The following LRP1B variants were observed in gnomAD, a reference collection of about 807,000 sequenced individuals.
LRP1B encodes LDL receptor related protein 1B, also known as low-density lipoprotein receptor-related protein 1B.
LRP1B carries 217 observed loss-of-function variants against 556.6 expected under a neutral mutation model. That is an observed-to-expected ratio of 0.39 (90% confidence interval 0.35 to 0.44). LRP1B has a LOEUF of 0.44. Among genes scored for constraint, LRP1B ranks in the 20% least tolerant of loss-of-function variants. The pLI is 1.00. For missense variants in LRP1B, 5,053 were observed against 5,620.8 expected (o/e 0.90, Z 3.23); for synonymous variants, 2,047 against 1,865.8 (o/e 1.10, Z -2.50).
chr2:141,471,638 G>A lies in LRP1B; in HGVS notation c.343+8758C>T, dbSNP rs138192962. On this transcript the variant is annotated intron_variant, in intron 3 of 90. Transcript: ENST00000389484. ...TCTCATGTAGAATTAGATGTTTCTC[G>A]TCTTATTCTTCCTCTTTAATTTTTA... Among the ~76,000 whole-genome samples the A allele has an allele frequency of 1.6e-3, 245 of 152,146 alleles. 3 individuals carry two copies. Among genetic ancestry groups the A allele is most frequent in the African/African-American group, 5.6e-3 (233 of 41,494 alleles).
chr2:141,819,604 G>A (rs1225398859), intron 1 of LRP1B, among the ~76,000 whole-genome samples: 1 of 152,118 alleles, frequency 6.6e-6, no homozygotes, highest in African/African-American at 2.4e-5. Flanking sequence ...AAGGATAGTG[G>A]GACAGGAGGG....
chr2:140,511,319 T>G (rs1051032817), intron 51 of LRP1B, among the ~76,000 whole-genome samples: 36 of 145,790 alleles, frequency 2.5e-4, no homozygotes, highest in African/African-American at 8.2e-4. Flanking sequence ...TTTTTTTTTT[T>G]GAGACGGAGT....
intron 24 of LRP1B, among the ~76,000 whole-genome samples, chr2:140,885,799 T>TAA (rs3063639): frequency 1.4e-5 from 2 of 144,724 alleles, no homozygotes; most frequent in South Asian, 4.3e-4. Flanking sequence ...GTAGCAAAAT[T>TAA]AAAAAAAAAA....
At chr2:140,728,697 C>T (rs185008967) in intron 35 of LRP1B, among the ~76,000 whole-genome samples, 2 of 152,166 alleles carry the variant, frequency 1.3e-5, no homozygotes, top group East Asian at 3.9e-4. Flanking sequence ...CCATCATCAT[C>T]CCTGGTGAAA....
At chr2:141,690,396 A>AATAAATATATATCTATATATATAT (rs5834858) in intron 2 of LRP1B, among the ~76,000 whole-genome samples, 2 of 26,936 alleles carry the variant, frequency 7.4e-5, no homozygotes, top group Non-Finnish European at 1.5e-4. Context: ...TACATCTATA[A>AATAAATATATATCTATATATATAT]ATATATATAT....
At chr2:140,364,324 C>T (rs1240550681) in intron 72 of LRP1B, among the ~76,000 whole-genome samples, 1 of 151,372 alleles carries the variant, frequency 6.6e-6, no homozygotes, top group African/African-American at 2.4e-5. Flanking sequence ...CCAAAATTAA[C>T]CTAAACTCCA....
chr2:140,717,440 G>C (rs16844598), intron 35 of LRP1B, among the ~76,000 whole-genome samples: 3,157 of 152,102 alleles, frequency 0.021, 112 homozygotes, highest in African/African-American at 0.073. Context: ...AACTCTCATT[G>C]TCCAAATGGG....
At chr2:141,906,944 C>CAG (rs1381996836) in intron 1 of LRP1B, among the ~76,000 whole-genome samples, 1 of 152,092 alleles carries the variant, frequency 6.6e-6, no homozygotes, top group East Asian at 1.9e-4. Context: ...CCCATTTTGG[C>CAG]AGAGACACAT....
intron 2 of LRP1B, among the ~76,000 whole-genome samples, chr2:141,663,251 A>G (rs1690294017): frequency 6.6e-6 from 1 of 152,198 alleles, no homozygotes; most frequent in African/African-American, 2.4e-5. Flanking sequence ...TCTCAAGTAA[A>G]CATCCTAACA....
intron 79 of LRP1B, among the ~76,000 whole-genome samples, chr2:140,326,855 A>G (rs985215797): frequency 6.6e-6 from 1 of 152,144 alleles, no homozygotes; most frequent in Non-Finnish European, 1.5e-5. Context: ...CACAGTAAAA[A>G]TAATATTTTT....
intron 2 of LRP1B, among the ~76,000 whole-genome samples, chr2:141,787,642 C>T (rs954250715): frequency 6.6e-6 from 1 of 151,664 alleles, no homozygotes; most frequent in Non-Finnish European, 1.5e-5. Context: ...AGAGAATTTT[C>T]TAACTCTTGA....
intron 45 of LRP1B, among the ~76,000 whole-genome samples, chr2:140,538,138 A>G (rs571518932): frequency 6.6e-6 from 1 of 152,252 alleles, no homozygotes; most frequent in Non-Finnish European, 1.5e-5. Flanking sequence ...TACTATTTGA[A>G]GTTTCCAAGG....
intron 2 of LRP1B, among the ~76,000 whole-genome samples, chr2:141,698,292 GA>G (rs1691805991): frequency 6.6e-6 from 1 of 151,660 alleles, no homozygotes; most frequent in Non-Finnish European, 1.5e-5. Flanking sequence ...TCTTCCTACC[GA>G]GTAGAAAGTT....
At chr2:140,631,135 C>A (rs546176504) in intron 41 of LRP1B, among the ~76,000 whole-genome samples, 1 of 152,252 alleles carries the variant, frequency 6.6e-6, no homozygotes, top group East Asian at 1.9e-4. Flanking sequence ...GCTGCTGACA[C>A]CCATAGCTAT....
rs545373352 is a variant in LRP1B, at chr2:140,487,921, G to A, written c.9121-182C>T. On this transcript the variant is annotated intron_variant, in intron 57 of 90. Transcript: ENST00000389484. The stretch of plus-strand genomic sequence containing the variant: ...TATTCACATTTTCCTTACATCGTAT[G>A]TTTAAAAAATACTATATTAATTTGA... Among the ~76,000 whole-genome samples, 16 of 151,928 alleles carry A rather than the reference G, an allele frequency of 1.1e-4. No homozygotes were observed. The South Asian group carries it at 3.3e-3, about 32-fold the overall frequency.
intron 77 of LRP1B, among the ~76,000 whole-genome samples, chr2:140,338,067 CG>C (rs1483653092): frequency 7.1e-6 from 1 of 141,320 alleles, no homozygotes; most frequent in African/African-American, 2.9e-5. Flanking sequence ...ATTAGAAAAA[CG>C]AAAAAAAAAA....
chr2:141,279,995 G>T (rs183635246), intron 3 of LRP1B, among the ~76,000 whole-genome samples: 57 of 152,154 alleles, frequency 3.7e-4, no homozygotes, highest in Middle Eastern at 3.4e-3. Context: ...TCTACCAGCA[G>T]ATTTGTGCTT....
chr2:140,854,496 A>T (rs1692556420), intron 27 of LRP1B, among the ~76,000 whole-genome samples: 1 of 152,188 alleles, frequency 6.6e-6, no homozygotes, highest in Non-Finnish European at 1.5e-5. Flanking sequence ...CAAGGATTTA[A>T]CAATATTATT....
At chr2:141,041,768 T>G (rs1698707715) in intron 11 of LRP1B, among the ~76,000 whole-genome samples, 1 of 152,144 alleles carries the variant, frequency 6.6e-6, no homozygotes, top group African/African-American at 2.4e-5. Flanking sequence ...GATAAATGTT[T>G]GTGGTGATGA....
Sources: allele counts gnomAD v4.1 joint callset (sites outside exome capture counted in the v4.1 genomes callset), GRCh38; gene constraint gnomAD v4.1.1; transcripts MANE v1.5; gene names NCBI Gene and HGNC (gene_info 2026-07-23, HGNC 2026-07-21).